The following CDC42SE2 variants were observed in gnomAD, a reference collection of about 807,000 sequenced individuals.
CDC42SE2 encodes CDC42 small effector protein 2.
In CDC42SE2, 3 loss-of-function variants were observed where a neutral mutation model predicts 11.5. That is an observed-to-expected ratio of 0.26 (90% confidence interval 0.12 to 0.67). CDC42SE2 has a LOEUF of 0.67. Ranked by LOEUF, CDC42SE2 falls within the 30% of genes least tolerant of loss-of-function variation. CDC42SE2 has a pLI of 0.80. For missense variants in CDC42SE2, 82 were observed against 106.8 expected, an observed-to-expected ratio of 0.77 and a Z score of 1.02; for synonymous variants, 33 against 34.8, an observed-to-expected ratio of 0.95 and a Z score of 0.18.
chr5:131,274,932 G>A (rs1042483960), intron 1 of CDC42SE2, among the ~76,000 whole-genome samples: 6 of 152,058 alleles, frequency 3.9e-5, no homozygotes, highest in Non-Finnish European at 7.4e-5. Flanking sequence ...CATGTCTTTG[G>A]TTACAGCTTA....
At chr5:131,357,325 C>A (rs1260565951) in intron 2 of CDC42SE2, among the ~76,000 whole-genome samples, 2 of 152,186 alleles carry the variant, frequency 1.3e-5, no homozygotes, top group African/African-American at 4.8e-5. Flanking sequence ...GTCCTCTGGA[C>A]TGTAGAATCA....
chr5:131,286,384 A>G (rs1160963050), intron 1 of CDC42SE2, among the ~76,000 whole-genome samples: 2 of 86,190 alleles, frequency 2.3e-5, no homozygotes, highest in Non-Finnish European at 4.4e-5. Context: ...GCACCTGGCC[A>G]GTTTTTTTTT....
At chr5:131,218,604 C>T in the CDC42SE2 span, among the ~76,000 whole-genome samples, 34 of 148,128 alleles carry the variant, frequency 2.3e-4, no homozygotes, top group East Asian at 5.8e-4. Context: ...TTAGCCCAAA[C>T]GAAACAACTC....
upstream of CDC42SE2, chr5:131,245,347 G>A (rs888312450): frequency 6.6e-6 from 1 of 152,112 alleles, no homozygotes; most frequent in African/African-American, 2.4e-5. Context: ...TTTATTCAAT[G>A]TAACCCTTGT....
rs1202956370 is a variant in CDC42SE2, at chr5:131,292,240, C to CAA, written c.-454-23712_-454-23711dup. On this transcript the variant is annotated intron_variant, in intron 1 of 4. Coordinates refer to ENST00000505065, the MANE Select transcript of CDC42SE2 (RefSeq NM_001375635.1). ...GTGACAGAGTAAGACTCTGTCTCAC[C>CAA]AAAAAAAAAAAAAAAAAAAAAAAAA... Among the ~76,000 whole-genome samples, 118 of 25,582 alleles carry CAA rather than the reference C, an allele frequency of 4.6e-3. 2 individuals are homozygous for CAA. Among genetic ancestry groups the CAA allele is most frequent in the African/African-American group, 0.011 (95 of 8,572 alleles). 16.8% of individuals were successfully genotyped at this position (25,582 alleles called of 152,430 possible).
chr5:131,341,096 C>T (rs1758702155), intron 2 of CDC42SE2, among the ~76,000 whole-genome samples: 1 of 152,186 alleles, frequency 6.6e-6, no homozygotes, highest in Non-Finnish European at 1.5e-5. Context: ...TCATTGTGTA[C>T]TTACTGTATA....
chr5:131,318,355 T>C (rs1216103420), intron 2 of CDC42SE2, among the ~76,000 whole-genome samples: 1 of 152,224 alleles, frequency 6.6e-6, no homozygotes, highest in Non-Finnish European at 1.5e-5. Context: ...TAAGGTCAAC[T>C]TTAATGTGCT....
intron 1 of CDC42SE2, among the ~76,000 whole-genome samples, chr5:131,309,623 C>A (rs925057125): frequency 5.3e-5 from 8 of 151,520 alleles, no homozygotes; most frequent in South Asian, 2.1e-4. Flanking sequence ...ACAATTTCAG[C>A]TCCTGTTATT....
chr5:131,336,786 G>A (rs1346246901), intron 2 of CDC42SE2, among the ~76,000 whole-genome samples: 4 of 151,998 alleles, frequency 2.6e-5, no homozygotes, highest in South Asian at 2.1e-4. Flanking sequence ...TTGTGCATTC[G>A]TCACATAGTC....
chr5:131,341,243 C>T (rs1190006747), intron 2 of CDC42SE2, among the ~76,000 whole-genome samples: 1 of 152,118 alleles, frequency 6.6e-6, no homozygotes, highest in Non-Finnish European at 1.5e-5. Flanking sequence ...AGTAACATCT[C>T]TGTGGCATTT....
chr5:131,280,174 A>T (rs764117517), intron 1 of CDC42SE2, among the ~76,000 whole-genome samples: 2 of 152,196 alleles, frequency 1.3e-5, no homozygotes, highest in African/African-American at 2.4e-5. Flanking sequence ...ACTGAATTAA[A>T]ATATGGGGTC....
chr5:131,323,546 GGTT>G (rs1758237084), intron 2 of CDC42SE2, among the ~76,000 whole-genome samples: 2 of 96,630 alleles, frequency 2.1e-5, no homozygotes, highest in African/African-American at 9.2e-5. Context: ...CTCTCTCTCT[GGTT>G]TTTTTTTTTT....
intron 2 of CDC42SE2, among the ~76,000 whole-genome samples, chr5:131,358,749 G>C (rs918951748): frequency 6.6e-6 from 1 of 152,064 alleles, no homozygotes; most frequent in African/African-American, 2.4e-5. Context: ...GTTTGTTTAT[G>C]GTTTTTGATG....
In CDC42SE2 at chr5:131,297,332, G is replaced by A. The variant is rs990318639; in HGVS notation, c.-454-18644G>A. 2.6e-5 allele frequency among the ~76,000 whole-genome samples: 4 copies of A among 151,914 alleles called. No individual in the cohort carries two copies. In the East Asian group the frequency reaches 5.8e-4, roughly 22 times the overall value. ...CATAACTGTTATAATTACATAAGGC[G>A]TTAAGAAACCTTTAACTCTTTCTCA... On this transcript the variant is annotated intron_variant, in intron 1 of 4. Transcript: ENST00000505065.
At chr5:131,277,548 C>G (rs895808629) in intron 1 of CDC42SE2, among the ~76,000 whole-genome samples, 1 of 152,170 alleles carries the variant, frequency 6.6e-6, no homozygotes, top group Non-Finnish European at 1.5e-5. Flanking sequence ...ACAAACTCAA[C>G]AGTCTGTACA....
chr5:131,339,584 A>G (rs547204345), intron 2 of CDC42SE2, among the ~76,000 whole-genome samples: 1 of 152,222 alleles, frequency 6.6e-6, no homozygotes, highest in Admixed American at 6.5e-5. Context: ...AGGCGGGCAG[A>G]TCATCTCAGG....
chr5:131,289,783 G>A (rs1757414011), intron 1 of CDC42SE2, among the ~76,000 whole-genome samples: 1 of 152,004 alleles, frequency 6.6e-6, no homozygotes, highest in African/African-American at 2.4e-5. Context: ...TTGGTGCATT[G>A]GAGATTTCTT....
At chr5:131,345,272 A>G (rs1758811885) in intron 2 of CDC42SE2, among the ~76,000 whole-genome samples, 1 of 152,136 alleles carries the variant, frequency 6.6e-6, no homozygotes, top group African/African-American at 2.4e-5. Flanking sequence ...GATGAGACGA[A>G]TGGCTAACTA....
At chr5:131,254,301 G>T (rs1756662995) in intron 1 of CDC42SE2, among the ~76,000 whole-genome samples, 3 of 152,116 alleles carry the variant, frequency 2.0e-5, no homozygotes, top group Non-Finnish European at 4.4e-5. Context: ...CAGCACTTTG[G>T]GAGCCTGACG....
Sources: allele counts gnomAD v4.1 joint callset (sites outside exome capture counted in the v4.1 genomes callset), GRCh38; gene constraint gnomAD v4.1.1; transcripts MANE v1.5; gene names NCBI Gene and HGNC (gene_info 2026-07-23, HGNC 2026-07-21).